SDK1: variants seen among roughly 807,000 people sequenced by gnomAD.
The protein encoded by SDK1 is protein sidekick-1.
A neutral mutation model predicts 245.5 loss-of-function variants in SDK1; 157 were observed. The ratio of observed to expected loss-of-function variants is 0.64; its 90% CI spans 0.56 to 0.73. The LOEUF (loss-of-function observed/expected upper bound fraction) is 0.73. Ranked by LOEUF, SDK1 falls within the 30% of genes least tolerant of loss-of-function variation. The pLI is 0.00. For missense variants in SDK1, 3,583 were observed against 3,002.3 expected (o/e 1.19, Z -4.52); for synonymous variants, 1,647 against 1,278.5 (o/e 1.29, Z -6.15).
chr7:3,969,719 T>C (rs6978757), intron 11 of SDK1, among the ~76,000 whole-genome samples: 64,197 of 152,024 alleles, frequency 0.42, 15,637 homozygotes, highest in African/African-American at 0.68. Context: ...ACAAAATTGA[T>C]AGGTTGGTTA....
rs117032193 is a variant in SDK1 at position 3,331,324 on chromosome 7, T to C, written c.298+29440T>C. The stretch of plus-strand genomic sequence containing the variant: ...GGTGTTCTGTTACAGCAACAGAATA[T>C]AGACAAGTGCATGATCCTAATAAGT... On this transcript the variant is annotated intron_variant, in intron 1 of 44. Coordinates refer to ENST00000404826, the MANE Select transcript of SDK1 (RefSeq NM_152744.4). 1.8e-4 allele frequency among the ~76,000 whole-genome samples: 27 copies of C among 152,278 alleles called. 1 individual carries two copies. The East Asian group carries it at 4.2e-3, about 24-fold the overall frequency.
At chr7:3,980,788 A>G (rs567865804) in intron 13 of SDK1, among the ~76,000 whole-genome samples, 8 of 152,122 alleles carry the variant, frequency 5.3e-5, no homozygotes, top group Non-Finnish European at 7.4e-5. Flanking sequence ...CTAAAAATAC[A>G]AAAATTAGCC....
chr7:4,204,994 G>GGGGTGTGGTGAGGC (rs1353921893), intron 35 of SDK1, among the ~76,000 whole-genome samples: 1 of 152,030 alleles, frequency 6.6e-6, no homozygotes, highest in African/African-American at 2.4e-5. Context: ...CACCCCTAAT[G>GGGGTGTGGTGAGGC]GCGGTGTGGT....
At chr7:4,088,555 GT>G (rs35931237) in intron 22 of SDK1, among the ~76,000 whole-genome samples, 35,247 of 146,350 alleles carry the variant, frequency 0.24, 4,597 homozygotes, top group African/African-American at 0.35. Context: ...CTAGGAGTTG[GT>G]TTTTTTTTTT....
intron 22 of SDK1, among the ~76,000 whole-genome samples, chr7:4,101,871 G>A (rs183565727): frequency 2.0e-5 from 3 of 150,500 alleles, no homozygotes; most frequent in Admixed American, 1.3e-4. Flanking sequence ...CACTCAGGAG[G>A]GTCAGAGAAA....
At chr7:4,046,666 G>A (rs770567403) in intron 17 of SDK1, among the ~76,000 whole-genome samples, 12 of 152,126 alleles carry the variant, frequency 7.9e-5, no homozygotes, top group African/African-American at 2.9e-4. Flanking sequence ...AGTAACACCC[G>A]TTTTAATTAC....
At chr7:3,744,938 T>G (rs1562412138) in intron 4 of SDK1, among the ~76,000 whole-genome samples, 1 of 152,186 alleles carries the variant, frequency 6.6e-6, no homozygotes, top group Non-Finnish European at 1.5e-5. Context: ...CTTTTCTTTT[T>G]CCCTCACGAA....
intron 4 of SDK1, among the ~76,000 whole-genome samples, chr7:3,745,350 A>G (rs563565632): frequency 2.6e-5 from 4 of 152,216 alleles, no homozygotes; most frequent in Non-Finnish European, 5.9e-5. Flanking sequence ...TGAAATGTAG[A>G]CTCACAAGAA....
At chr7:3,433,967 C>T (rs917619524) in intron 1 of SDK1, among the ~76,000 whole-genome samples, 6 of 152,154 alleles carry the variant, frequency 3.9e-5, no homozygotes, top group South Asian at 2.1e-4. Flanking sequence ...GCATAACTAC[C>T]GCAATGCATT....
intron 4 of SDK1, among the ~76,000 whole-genome samples, chr7:3,760,904 T>G (rs1287841452): frequency 2.6e-5 from 4 of 152,368 alleles, no homozygotes; most frequent in East Asian, 1.9e-4. Flanking sequence ...AGTAGTGAAG[T>G]ATTTCATTGT....
At chr7:3,403,851 ATATATATATATATATAT>A (rs1778968932) in intron 1 of SDK1, among the ~76,000 whole-genome samples, 7 of 90,002 alleles carry the variant, frequency 7.8e-5, no homozygotes, top group African/African-American at 1.4e-4. Context: ...ATATATATAT[ATATATATATATATATAT>A]AATATATATA....
intron 1 of SDK1, among the ~76,000 whole-genome samples, chr7:3,336,395 A>T (rs1780200844): frequency 6.6e-6 from 1 of 151,990 alleles, no homozygotes. Flanking sequence ...TGATGCTCTG[A>T]CTTCTCTGCC....
At chr7:4,022,386 A>C (rs1408289370) in intron 17 of SDK1, among the ~76,000 whole-genome samples, 2 of 152,110 alleles carry the variant, frequency 1.3e-5, no homozygotes, top group African/African-American at 2.4e-5. Context: ...TGACTTTAAT[A>C]AGGCCCTTGG....
At chr7:3,756,041 CATATGT>C (rs1342843607) in intron 4 of SDK1, among the ~76,000 whole-genome samples, 1 of 150,366 alleles carries the variant, frequency 6.7e-6, no homozygotes, top group Non-Finnish European at 1.5e-5. Context: ...GCACATGTGA[CATATGT>C]ATATCGTGGT....
intron 30 of SDK1, among the ~76,000 whole-genome samples, chr7:4,152,866 C>T (rs909710009): frequency 1.3e-5 from 2 of 152,258 alleles, no homozygotes; most frequent in African/African-American, 2.4e-5. Flanking sequence ...GAATATGGGT[C>T]GAGACCCCCA....
intron 32 of SDK1, among the ~76,000 whole-genome samples, chr7:4,167,111 C>T (rs1386882729): frequency 6.6e-6 from 1 of 152,196 alleles, no homozygotes; most frequent in Non-Finnish European, 1.5e-5. Flanking sequence ...TGCATTTAAA[C>T]AGGCTCTTTT....
intron 4 of SDK1, among the ~76,000 whole-genome samples, chr7:3,709,147 C>G (rs984884733): frequency 6.6e-6 from 1 of 152,204 alleles, no homozygotes; most frequent in Non-Finnish European, 1.5e-5. Flanking sequence ...GTGACAAATT[C>G]TCTCAGCATT....
In SDK1 at chr7:4,245,671, C is replaced by T. The variant is rs149321114; in HGVS notation, c.6252-5C>T. 4.3e-3 allele frequency: 6,938 copies of T among 1,613,794 alleles called. 47 individuals carry two copies. The highest frequency in any genetic ancestry group is 0.02 in the Middle Eastern group (121 of 6,036). ...GGGTAATTGCAGCATGGGTCCTCATCCTAGGTCCCCACCCCGGCCTAGCCC... is the reference window on the plus strand; with the variant it reads ...GGGTAATTGCAGCATGGGTCCTCATTCTAGGTCCCCACCCCGGCCTAGCCC... On this transcript the variant is annotated splice_region_variant and splice_polypyrimidine_tract_variant and intron_variant, in intron 43 of 44. Coordinates refer to ENST00000404826, the MANE Select transcript of SDK1 (RefSeq NM_152744.4).
intron 4 of SDK1, among the ~76,000 whole-genome samples, chr7:3,663,762 C>G (rs929000879): frequency 6.6e-6 from 1 of 152,086 alleles, no homozygotes; most frequent in Non-Finnish European, 1.5e-5. Context: ...TTGTCCCTAC[C>G]ACTGTCAAAG....
Sources: allele counts gnomAD v4.1 joint callset (sites outside exome capture counted in the v4.1 genomes callset), GRCh38; gene constraint gnomAD v4.1.1; transcripts MANE v1.5; gene names NCBI Gene and HGNC (gene_info 2026-07-23, HGNC 2026-07-21).